Variants in RARB observed in about 807,000 individuals in gnomAD.
The protein encoded by RARB is retinoic acid receptor beta, also known as HBV-activated protein.
A neutral mutation model predicts 51.9 loss-of-function variants in RARB; 17 were observed. The ratio of observed to expected loss-of-function variants is 0.33; its 90% CI spans 0.22 to 0.49. RARB has a LOEUF of 0.49. Ranked by LOEUF, RARB falls within the 20% of genes least tolerant of loss-of-function variation. The pLI is 0.99. For synonymous variants in RARB, 215 were observed against 195.4 expected, an observed-to-expected ratio of 1.10 and a Z score of -0.84; for missense variants, 369 against 550.8, an observed-to-expected ratio of 0.67 and a Z score of 3.30.
chr3:24,958,740 G>A (rs1696077119), intron 2 of RARB, among the ~76,000 whole-genome samples: 1 of 152,174 alleles, frequency 6.6e-6, no homozygotes, highest in Non-Finnish European at 1.5e-5. Flanking sequence ...GATGTTTCTT[G>A]ATGTCTGATG....
chr3:25,130,549 C>A (rs56674042), intron 3 of RARB, among the ~76,000 whole-genome samples: 1,604 of 151,918 alleles, frequency 0.011, 31 homozygotes, highest in African/African-American at 0.037. Flanking sequence ...TCCTTCCTGG[C>A]GCACTGCATT....
chr3:24,900,324 TGAAA>T, intron 2 of RARB, among the ~76,000 whole-genome samples: 1 of 152,346 alleles, frequency 6.6e-6, no homozygotes, highest in Non-Finnish European at 1.5e-5. Context: ...GTTTGTGGAA[TGAAA>T]GAGAGAGGCT....
At chr3:25,467,425 T>A (rs7630667) in intron 2 of RARB, among the ~76,000 whole-genome samples, 2,941 of 152,320 alleles carry the variant, frequency 0.019, 99 homozygotes, top group African/African-American at 0.066. Context: ...TCTCCCCCTG[T>A]TGTTGCTCAC....
At chr3:25,258,805 A>G (rs1702928874) in intron 5 of RARB, among the ~76,000 whole-genome samples, 1 of 152,118 alleles carries the variant, frequency 6.6e-6, no homozygotes, top group Non-Finnish European at 1.5e-5. Flanking sequence ...GACACCAAAC[A>G]GGAGCGGCAG....
intron 2 of RARB, among the ~76,000 whole-genome samples, chr3:25,037,333 A>G (rs1698018903): frequency 1.3e-5 from 2 of 151,316 alleles, no homozygotes; most frequent in Non-Finnish European, 2.9e-5. Context: ...TTCTTAATGT[A>G]GACTGTGGTG....
chr3:25,225,096 C>T (rs1471283102), intron 5 of RARB, among the ~76,000 whole-genome samples: 2 of 152,070 alleles, frequency 1.3e-5, no homozygotes, highest in East Asian at 1.9e-4. Context: ...CTAGTGCTTT[C>T]GGGGTGCCCT....
In RARB at chr3:24,985,830, C is replaced by T. The variant is rs1035016205; in HGVS notation, c.-379-74295C>T. On this transcript the variant is annotated intron_variant, in intron 2 of 11. Coordinates refer to the RARB transcript ENST00000383772. ...CTGCGCTGAGGCCTGTGCCTGCTGC[C>T]GCGTTGGCAGCCATGAGCCTCCACG... Among the ~76,000 whole-genome samples the T allele has an allele frequency of 5.3e-5, 8 of 152,190 alleles. No homozygotes were observed. The South Asian group carries it at 1.2e-3, about 24-fold the overall frequency.
At position 25,407,988 on chromosome 3, in the gene RARB, A is replaced by T. The variant is rs116201052; in HGVS notation, c.179-53205A>T. 4.4e-3 allele frequency among the ~76,000 whole-genome samples: 665 copies of T among 152,174 alleles called. 7 individuals carry two copies. The highest frequency in any genetic ancestry group is 0.015 in the African/African-American group (642 of 41,520). On this transcript the variant is annotated intron_variant, in intron 5 of 11. Coordinates refer to the RARB transcript ENST00000383772. ...CACAGCGGTAACGTCTCAATAACAC[A>T]TCTTTTATTGCCCCCATCTCTTTAC... is the stretch of plus-strand genomic sequence containing the variant.
chr3:25,157,646 C>G (rs1700401021), intron 4 of RARB, among the ~76,000 whole-genome samples: 1 of 152,278 alleles, frequency 6.6e-6, no homozygotes, highest in Middle Eastern at 3.4e-3. Context: ...ATCTGCCTGC[C>G]TCCGCCTCCC....
chr3:25,020,386 G>A (rs1156637639), intron 2 of RARB: 1 of 151,954 alleles, frequency 6.6e-6, no homozygotes, highest in Admixed American at 6.6e-5. Flanking sequence ...CTACAGCCCA[G>A]GGCTCCTGGG....
At chr3:25,315,428 C>G (rs1704397437) in intron 5 of RARB, among the ~76,000 whole-genome samples, 1 of 152,164 alleles carries the variant, frequency 6.6e-6, no homozygotes, top group African/African-American at 2.4e-5. Flanking sequence ...GCACCCCTCC[C>G]AGGTCTTGGA....
intron 5 of RARB, among the ~76,000 whole-genome samples, chr3:25,419,158 A>C (rs1707789338): frequency 6.6e-6 from 1 of 152,068 alleles, no homozygotes; most frequent in South Asian, 2.1e-4. Context: ...CTATCTATTT[A>C]GGTGGTGCTC....
At chr3:25,517,099 G>A (rs951079699) in intron 3 of RARB, among the ~76,000 whole-genome samples, 1 of 152,066 alleles carries the variant, frequency 6.6e-6, no homozygotes, top group African/African-American at 2.4e-5. Flanking sequence ...TTCATGAGAT[G>A]GTATTTTAAC....
At chr3:24,854,509 T>C (rs1559372199) in intron 1 of RARB, among the ~76,000 whole-genome samples, 1 of 152,186 alleles carries the variant, frequency 6.6e-6, no homozygotes, top group Non-Finnish European at 1.5e-5. Flanking sequence ...ACCAATAGCA[T>C]TTCCTTCACC....
At chr3:25,061,385 A>C (rs1289617284) in intron 3 of RARB, among the ~76,000 whole-genome samples, 1 of 151,886 alleles carries the variant, frequency 6.6e-6, no homozygotes, top group African/African-American at 2.4e-5. Flanking sequence ...TTTTTATTTA[A>C]TCTTCCAGTG....
At chr3:25,515,396 G>A (rs955146280) in intron 3 of RARB, among the ~76,000 whole-genome samples, 2 of 152,104 alleles carry the variant, frequency 1.3e-5, no homozygotes, top group Non-Finnish European at 2.9e-5. Flanking sequence ...ATACCAATAT[G>A]ACTGAGTGGT....
intron 5 of RARB, among the ~76,000 whole-genome samples, chr3:25,187,569 T>C (rs1247158978): frequency 6.6e-6 from 1 of 152,074 alleles, no homozygotes; most frequent in African/African-American, 2.4e-5. Context: ...AAGTTTTTTT[T>C]AAGGCAAATG....
intron 3 of RARB, among the ~76,000 whole-genome samples, chr3:25,549,333 G>T (rs1699745713): frequency 1.3e-5 from 2 of 152,230 alleles, no homozygotes; most frequent in African/African-American, 4.8e-5. Flanking sequence ...AAATTCAGAA[G>T]CTCTGAAGGC....
intron 4 of RARB, among the ~76,000 whole-genome samples, chr3:25,169,398 A>G (rs1489503425): frequency 1.4e-4 from 21 of 152,212 alleles, no homozygotes; most frequent in Non-Finnish European, 3.1e-4. Flanking sequence ...ATGCCAGACA[A>G]AATTGCTGGA....
Sources: allele counts gnomAD v4.1 joint callset (sites outside exome capture counted in the v4.1 genomes callset), GRCh38; gene constraint gnomAD v4.1.1; transcripts MANE v1.5; gene names NCBI Gene and HGNC (gene_info 2026-07-23, HGNC 2026-07-21).